Variants in LSM12 observed in about 807,000 individuals in gnomAD.
LSM12 encodes protein LSM12.
For synonymous variants in LSM12, 74 were observed against 87.3 expected (o/e 0.85, Z 0.85); for missense variants, 108 against 238.9 (o/e 0.45, Z 3.61).
intron 2 of LSM12, among the ~76,000 whole-genome samples, chr17:44,053,528 G>T (rs1271948505): frequency 2.0e-5 from 3 of 152,162 alleles, no homozygotes; most frequent in Admixed American, 2.0e-4. Context: ...GGCAAGAGGG[G>T]TGTTTTAATC....
At chr17:44,057,023 G>A (rs932353017) in intron 2 of LSM12, among the ~76,000 whole-genome samples, 6 of 151,878 alleles carry the variant, frequency 4.0e-5, no homozygotes, top group Non-Finnish European at 5.9e-5. Context: ...GGACGTGGTG[G>A]GGCGCACCTG....
At chr17:44,066,022 C>T (rs2049869306) in intron 1 of LSM12, among the ~76,000 whole-genome samples, 1 of 152,098 alleles carries the variant, frequency 6.6e-6, no homozygotes, top group South Asian at 2.1e-4. Context: ...AGTGCACATG[C>T]CCTCCTAAAT....
chr17:44,037,925 A>C (rs898742458), intron 3 of LSM12, among the ~76,000 whole-genome samples: 6 of 152,222 alleles, frequency 3.9e-5, no homozygotes, highest in Non-Finnish European at 8.8e-5. Flanking sequence ...ATCATCTGTT[A>C]CAACTAGCAC....
intron 1 of LSM12, among the ~76,000 whole-genome samples, chr17:44,064,504 G>A (rs1383625727): frequency 1.3e-5 from 2 of 152,066 alleles, no homozygotes; most frequent in Non-Finnish European, 2.9e-5. Flanking sequence ...AGGCTGAGGC[G>A]GGCAGATTAC....
intron 2 of LSM12, among the ~76,000 whole-genome samples, chr17:44,058,052 C>T (rs1236497450): frequency 5.3e-5 from 8 of 151,302 alleles, no homozygotes; most frequent in Middle Eastern, 3.4e-3. Context: ...CTAGCTAACA[C>T]GGGGAAACCC....
Position 44,037,405 on chromosome 17 carries a change from T to TAAA in LSM12, c.495+6_495+7insTTT. On this transcript the variant is annotated splice_region_variant and intron_variant, in intron 4 of 4. Transcript: ENST00000293406. ...CTCCCCTAAAGTCTGAAGGCTCCTT[T>TAAA]ACTTACTATTTTGCGTACATGGCTC... 6.3e-7 allele frequency: 1 copy of TAAA among 1,585,434 alleles called. No individual in the cohort carries two copies. Among genetic ancestry groups the TAAA allele is most frequent in the Non-Finnish European group, 8.6e-7 (1 of 1,169,212 alleles).
chr17:44,053,847 T>C (rs1047895175), intron 2 of LSM12, among the ~76,000 whole-genome samples: 7 of 152,306 alleles, frequency 4.6e-5, no homozygotes, highest in African/African-American at 1.7e-4. Context: ...AGAATTTGAC[T>C]CTACCACTTG....
chr17:44,058,781 G>A (rs144219190), intron 2 of LSM12, among the ~76,000 whole-genome samples: 4,019 of 152,110 alleles, frequency 0.026, 105 homozygotes, highest in Non-Finnish European at 0.037. Context: ...GCAGTGAGCC[G>A]AGATCACGGC....
chr17:44,066,403 A>AC (rs1400769874), intron 1 of LSM12, 61 bp downstream of exon 1: 9 of 1,431,866 alleles, frequency 6.3e-6, no homozygotes, highest in South Asian at 2.6e-5. Context: ...GTCGTCCCCC[A>AC]CCCCCCGACC....
In LSM12 at chr17:44,035,487, C is replaced by A. The variant is rs1567953414; in HGVS notation, c.*721G>T. 6.6e-6 allele frequency: 1 copy of A among 151,018 alleles called. No homozygotes were observed. The allele number at this position is 151,018 out of a possible 1,614,324, so 9.4% of individuals were successfully genotyped here. A position where few individuals can be genotyped will look rare whatever the true frequency, so the allele number is the denominator to read the frequency against. Reference sequence around the variant, plus strand: ...TCTTGCACCAAGTCAAGTTAGTGGCCTGGCTATGATGGATGGTGGGGAGGG... The same window carrying A: ...TCTTGCACCAAGTCAAGTTAGTGGCATGGCTATGATGGATGGTGGGGAGGG... On this transcript the variant is annotated 3_prime_UTR_variant, in exon 5 of 5. Coordinates refer to ENST00000293406, the MANE Select transcript of LSM12 (RefSeq NM_001371445.1).
At chr17:44,040,982 A>T (rs1324369517) in intron 2 of LSM12, among the ~76,000 whole-genome samples, 1 of 151,752 alleles carries the variant, frequency 6.6e-6, no homozygotes, top group Non-Finnish European at 1.5e-5. Context: ...CTCCGTCTCA[A>T]AACAAAACAA....
At position 44,063,017 on chromosome 17, in the gene LSM12, C is replaced by T. The variant is rs1023872023; in HGVS notation, c.258+784G>A. Among the ~76,000 whole-genome samples, 7 of 151,912 alleles carry T rather than the reference C, an allele frequency of 4.6e-5. No individual in the cohort carries two copies. In the South Asian group the frequency reaches 8.3e-4, roughly 18 times the overall value. On this transcript the variant is annotated intron_variant, in intron 2 of 4. Transcript: ENST00000293406. ...CTGGGAGGCGGAGGTTACAGTGAGCCGAGATCGCGTCACTGCACTCCAGCC... is the reference window on the plus strand; with the variant it reads ...CTGGGAGGCGGAGGTTACAGTGAGCTGAGATCGCGTCACTGCACTCCAGCC...
chr17:44,055,915 G>A (rs528261447), intron 2 of LSM12, among the ~76,000 whole-genome samples: 7 of 151,580 alleles, frequency 4.6e-5, no homozygotes, highest in Admixed American at 6.6e-5. Context: ...AATTTTAACC[G>A]TGAAACTGGT....
intron 2 of LSM12, among the ~76,000 whole-genome samples, chr17:44,061,317 C>CA (rs11306333): frequency 1.2e-4 from 12 of 96,002 alleles, no homozygotes; most frequent in African/African-American, 1.9e-4. Context: ...AACTCCATCT[C>CA]AAAAAAAAAA....
chr17:44,052,499 T>C (rs1253975034), intron 2 of LSM12, among the ~76,000 whole-genome samples: 1 of 151,940 alleles, frequency 6.6e-6, no homozygotes, highest in Non-Finnish European at 1.5e-5. Context: ...TGGCTCACAC[T>C]TGTAATCCCA....
intron 2 of LSM12, among the ~76,000 whole-genome samples, chr17:44,050,526 T>C (rs2049629568): frequency 6.6e-6 from 1 of 151,674 alleles, no homozygotes; most frequent in Admixed American, 6.6e-5. Flanking sequence ...ATTTTTTTTT[T>C]TTTTGAGATG....
chr17:44,056,419 T>G (rs1256420904), intron 2 of LSM12, among the ~76,000 whole-genome samples: 4 of 151,736 alleles, frequency 2.6e-5, no homozygotes, highest in Non-Finnish European at 5.9e-5. Flanking sequence ...GCGTTGGCAG[T>G]ATAGTAAGAC....
chr17:44,056,163 CTTGGGAGGCTGAGGTAGGAGAA>C (rs997105879), intron 2 of LSM12, among the ~76,000 whole-genome samples: 11 of 151,818 alleles, frequency 7.2e-5, no homozygotes, highest in African/African-American at 1.4e-4. Flanking sequence ...ATCCCAGCTA[CTTGGGAGGCTGAGGTAGGAGAA>C]TTGGGAGGCT....
At chr17:44,049,753 G>T (rs975047904) in intron 2 of LSM12, among the ~76,000 whole-genome samples, 1 of 152,226 alleles carries the variant, frequency 6.6e-6, no homozygotes, top group African/African-American at 2.4e-5. Context: ...CACAGGTGCC[G>T]TGGGGAATCC....
Sources: allele counts gnomAD v4.1 joint callset (sites outside exome capture counted in the v4.1 genomes callset), GRCh38; gene constraint gnomAD v4.1.1; transcripts MANE v1.5; gene names NCBI Gene and HGNC (gene_info 2026-07-23, HGNC 2026-07-21).